NCAPH: variants seen among roughly 807,000 people sequenced by gnomAD.
NCAPH encodes the protein condensin complex subunit 2.
In NCAPH, 38 loss-of-function variants were observed where a neutral mutation model predicts 85.5. That is an observed-to-expected ratio of 0.44 (90% CI 0.34 to 0.58). NCAPH has a LOEUF of 0.58. Ranked by LOEUF, NCAPH falls within the 20% of genes least tolerant of loss-of-function variation. The pLI, the probability that NCAPH is intolerant of heterozygous loss-of-function variation, is 0.01. For synonymous variants in NCAPH, 301 were observed against 335.1 expected, an observed-to-expected ratio of 0.90 and a Z score of 1.11; for missense variants, 789 against 916.6, an observed-to-expected ratio of 0.86 and a Z score of 1.80.
intron 15 of NCAPH, among the ~76,000 whole-genome samples, chr2:96,368,438 T>C (rs1473830956): frequency 6.6e-6 from 1 of 152,076 alleles, no homozygotes; most frequent in African/African-American, 2.4e-5. Context: ...GGGTGGATCA[T>C]GAGGTCAGGT....
intron 6 of NCAPH, among the ~76,000 whole-genome samples, chr2:96,351,288 C>T (rs902705938): frequency 1.3e-5 from 2 of 152,204 alleles, no homozygotes; most frequent in African/African-American, 4.8e-5. Flanking sequence ...ACACTTGCCA[C>T]CACATACTGT....
intron 6 of NCAPH, among the ~76,000 whole-genome samples, chr2:96,349,421 G>T (rs761463767): frequency 4.6e-5 from 7 of 150,632 alleles, no homozygotes; most frequent in Non-Finnish European, 1.0e-4. Flanking sequence ...TCACTCTGTT[G>T]CCCAGGCTGG....
chr2:96,354,112 G>A, intron 8 of NCAPH, 71 bp from the exon 9 acceptor site: 2 of 1,445,832 alleles, frequency 1.4e-6, no homozygotes, highest in Non-Finnish European at 1.9e-6. Flanking sequence ...GGGTGAGAAG[G>A]CTGTCCCTCC....
chr2:96,366,900 A>AAT (rs1358948965), intron 14 of NCAPH, among the ~76,000 whole-genome samples: 1 of 150,282 alleles, frequency 6.7e-6, no homozygotes, highest in East Asian at 1.9e-4. Context: ...AAAAAAAAAA[A>AAT]GAGTTTGAGA....
chr2:96,355,421 G>A (rs538570754), intron 9 of NCAPH, among the ~76,000 whole-genome samples: 8 of 151,950 alleles, frequency 5.3e-5, no homozygotes, highest in Non-Finnish European at 7.4e-5. Context: ...ATAATTTCCC[G>A]CTATGACAAA....
intron 12 of NCAPH, among the ~76,000 whole-genome samples, chr2:96,363,115 C>T (rs1573091448): frequency 6.6e-6 from 1 of 152,178 alleles, no homozygotes; most frequent in Admixed American, 6.5e-5. Flanking sequence ...CAGTAGCCAT[C>T]AACATTGAGG....
intron 6 of NCAPH, among the ~76,000 whole-genome samples, chr2:96,348,192 T>C (rs573565455): frequency 0.017 from 2,454 of 145,194 alleles, 30 homozygotes; most frequent in Non-Finnish European, 0.027. Context: ...GTCTCTCTCT[T>C]TTTTTTTTTT....
intron 7 of NCAPH, among the ~76,000 whole-genome samples, chr2:96,352,438 T>C (rs1476967606): frequency 6.6e-6 from 1 of 152,190 alleles, no homozygotes; most frequent in Non-Finnish European, 1.5e-5. Flanking sequence ...GAGAGCGTTG[T>C]GAATTGTTTT....
chr2:96,368,068 C>T (rs1369649709), intron 15 of NCAPH, among the ~76,000 whole-genome samples: 1 of 152,156 alleles, frequency 6.6e-6, no homozygotes. Context: ...TAACTTGGTC[C>T]ACCTCAATGA....
intron 9 of NCAPH, among the ~76,000 whole-genome samples, chr2:96,356,731 C>T (rs568557816): frequency 2.0e-5 from 3 of 152,216 alleles, no homozygotes; most frequent in South Asian, 2.1e-4. Context: ...TTACCATCCC[C>T]GGGTGATTGT....
At chr2:96,363,349 AGT>A (rs2064652921) in intron 12 of NCAPH, among the ~76,000 whole-genome samples, 1 of 152,294 alleles carries the variant, frequency 6.6e-6, no homozygotes, top group East Asian at 1.9e-4. Flanking sequence ...GACACCTGAG[AGT>A]GTGCCCAGAG....
chr2:96,367,184 T>G lies in NCAPH; in HGVS notation c.1882-73T>G, dbSNP rs528684711. ...CCTTCTTTAGTTGAACTCCAGACCT[T>G]TGTTTTTACAGTGAATTATGGTAAA... is the stretch of plus-strand genomic sequence containing the variant. On this transcript the variant is annotated intron_variant, in intron 14 of 17. Coordinates refer to ENST00000240423, the MANE Select transcript of NCAPH (RefSeq NM_015341.5). 3.7e-6 allele frequency: 4 copies of G among 1,077,010 alleles called. No individual in the cohort carries two copies. The Admixed American group carries it at 5.8e-5, about 16-fold the overall frequency. 66.7% of individuals were successfully genotyped at this position (1,077,010 alleles called of 1,614,324 possible). A position where few individuals can be genotyped will look rare whatever the true frequency, so the allele number is the denominator to read the frequency against.
At chr2:96,358,814 GA>G (rs1256523017) in intron 9 of NCAPH, among the ~76,000 whole-genome samples, 1 of 152,130 alleles carries the variant, frequency 6.6e-6, no homozygotes, top group Admixed American at 6.6e-5. Flanking sequence ...AAATTAGGTA[GA>G]CTAGCATTTT....
chr2:96,344,303 G>A (rs1471565799), intron 6 of NCAPH, 74 bp downstream of exon 6: 2 of 1,500,290 alleles, frequency 1.3e-6, no homozygotes, highest in Admixed American at 2.4e-5. Flanking sequence ...CAGGGCTAAG[G>A]CTGCCTTGCT....
At chr2:96,354,546 A>G (rs2064496935) in intron 9 of NCAPH, among the ~76,000 whole-genome samples, 158 bp downstream of exon 9, 1 of 151,280 alleles carries the variant, frequency 6.6e-6, no homozygotes, top group East Asian at 1.9e-4. Flanking sequence ...CTGGTCTTGA[A>G]CTCTTGGGGC....
chr2:96,359,366 G>A, intron 10 of NCAPH, 173 bp downstream of exon 10: 2 of 700,758 alleles, frequency 2.9e-6, no homozygotes, highest in Non-Finnish European at 4.6e-6. Flanking sequence ...GGCCTGGGAT[G>A]AAGGGACAGT....
At chr2:96,356,790 G>A (rs577603119) in intron 9 of NCAPH, among the ~76,000 whole-genome samples, 58 of 152,246 alleles carry the variant, frequency 3.8e-4, no homozygotes, top group African/African-American at 6.3e-4. Context: ...AGAGGTCTTC[G>A]GAGGCCTCTG....
chr2:96,351,809 T>A (rs1558794319), intron 6 of NCAPH, 22 bp from the exon 7 acceptor site: 1 of 1,560,072 alleles, frequency 6.4e-7, no homozygotes, highest in African/African-American at 1.4e-5. Flanking sequence ...AAATCTTCAG[T>A]TTCTTCTCTC....
Position 96,374,903 on chromosome 2 carries a change from A to G in NCAPH, c.*1552A>G, listed in dbSNP as rs4907313. Among the ~76,000 whole-genome samples, 10 of 152,258 alleles carry G rather than the reference A, an allele frequency of 6.6e-5. No homozygotes were observed. Among genetic ancestry groups the G allele is most frequent in the South Asian group, 2.1e-4 (1 of 4,812 alleles). ...GGTTCTGGGGGTGGGGGGCTGAATT[A>G]CCAGTAAAACTAGAAAGATTGGGAC... On this transcript the variant is annotated 3_prime_UTR_variant, in exon 18 of 18. Transcript: ENST00000240423.
Sources: allele counts gnomAD v4.1 joint callset (sites outside exome capture counted in the v4.1 genomes callset), GRCh38; gene constraint gnomAD v4.1.1; transcripts MANE v1.5; gene names NCBI Gene and HGNC (gene_info 2026-07-23, HGNC 2026-07-21).